THRB: variants seen among roughly 807,000 people sequenced by gnomAD.
THRB encodes the protein thyroid hormone receptor beta, also known as nuclear receptor subfamily 1 group A member 2.
A neutral mutation model predicts 47.8 loss-of-function variants in THRB; 12 were observed. That is an observed-to-expected ratio of 0.25 (90% confidence interval 0.16 to 0.41). The LOEUF (loss-of-function observed/expected upper bound fraction) is 0.41. THRB is among the 10% of genes least tolerant of loss of function. The probability of loss-of-function intolerance (pLI) is 1.00; values close to 1 mark genes in which losing one functional copy is unlikely to be tolerated. For synonymous variants in THRB, 218 were observed against 212.2 expected (o/e 1.03, Z -0.24); for missense variants, 348 against 589.2 (o/e 0.59, Z 4.24).
At chr3:24,182,811 G>A (rs921149140) in intron 5 of THRB, among the ~76,000 whole-genome samples, 12 of 152,188 alleles carry the variant, frequency 7.9e-5, no homozygotes, top group Non-Finnish European at 1.5e-5. Context: ...AAGTAGATAC[G>A]TGCTGACCTC....
At chr3:24,169,545 T>C (rs963848361) in intron 5 of THRB, among the ~76,000 whole-genome samples, 2 of 151,982 alleles carry the variant, frequency 1.3e-5, no homozygotes, top group Admixed American at 6.6e-5. Context: ...CACAGTTTTC[T>C]TATTTGTAAA....
intron 1 of THRB, among the ~76,000 whole-genome samples, chr3:24,460,834 T>G (rs976138837): frequency 2.6e-5 from 4 of 152,226 alleles, no homozygotes; most frequent in African/African-American, 9.6e-5. Flanking sequence ...AAGCACTTCA[T>G]GTGTTCTCTC....
chr3:24,462,063 AT>A (rs2073750249), intron 1 of THRB, among the ~76,000 whole-genome samples: 6 of 152,296 alleles, frequency 3.9e-5, no homozygotes, highest in African/African-American at 1.2e-4. Context: ...ATACACCAAC[AT>A]TTCAACGGTG....
At chr3:24,451,606 T>G (rs913480586) in intron 1 of THRB, among the ~76,000 whole-genome samples, 17 of 152,190 alleles carry the variant, frequency 1.1e-4, no homozygotes, top group African/African-American at 4.1e-4. Context: ...GGGACCTCTA[T>G]TCTCTTTCAC....
chr3:24,229,082 G>T, intron 3 of THRB, 81 bp from the exon 4 acceptor site: 1 of 854,736 alleles, frequency 1.2e-6, no homozygotes, highest in Admixed American at 1.9e-5. Context: ...AATATCATAT[G>T]CATTAATTAC....
chr3:24,236,810 G>T (rs1290914373), intron 3 of THRB, among the ~76,000 whole-genome samples: 1 of 152,186 alleles, frequency 6.6e-6, no homozygotes, highest in Non-Finnish European at 1.5e-5. Flanking sequence ...AGCATCCTGA[G>T]TGCAGCCCCA....
intron 5 of THRB, among the ~76,000 whole-genome samples, chr3:24,182,704 A>AT (rs1257848880): frequency 3.9e-5 from 6 of 152,190 alleles, no homozygotes; most frequent in East Asian, 3.8e-4. Context: ...GAGGGTCCAC[A>AT]TTTTACAGAC....
chr3:24,338,964 G>A (rs1275095877), intron 1 of THRB, among the ~76,000 whole-genome samples: 5 of 152,060 alleles, frequency 3.3e-5, no homozygotes, highest in African/African-American at 7.2e-5. Context: ...GATAATGTGC[G>A]GCTGAAGACC....
intron 4 of THRB, among the ~76,000 whole-genome samples, chr3:24,227,628 G>A (rs2047796119): frequency 6.6e-6 from 1 of 152,202 alleles, no homozygotes; most frequent in African/African-American, 2.4e-5. Flanking sequence ...GAGAGTTAAA[G>A]TTTATGGTCA....
chr3:24,136,118 A>C (rs1193098967), intron 8 of THRB, among the ~76,000 whole-genome samples: 1 of 151,960 alleles, frequency 6.6e-6, no homozygotes, highest in East Asian at 1.9e-4. Context: ...ACATGTGTAA[A>C]GATTTGAAAA....
At chr3:24,266,817 C>T (rs539516660) in intron 3 of THRB, among the ~76,000 whole-genome samples, 1 of 151,898 alleles carries the variant, frequency 6.6e-6, no homozygotes, top group East Asian at 1.9e-4. Context: ...TCTGGACAGA[C>T]CTTCCATATT....
intron 1 of THRB, among the ~76,000 whole-genome samples, chr3:24,441,181 T>G: frequency 6.6e-6 from 1 of 152,230 alleles, no homozygotes; most frequent in East Asian, 1.9e-4. Context: ...TTCCACTGTA[T>G]GGCAATTTGC....
chr3:24,469,658 A>G (rs1298205650), intron 1 of THRB, among the ~76,000 whole-genome samples: 9 of 152,246 alleles, frequency 5.9e-5, no homozygotes, highest in Non-Finnish European at 1.2e-4. Flanking sequence ...AAGCTACACT[A>G]CAATGAGGTG....
rs115224804 is a variant in THRB, at chr3:24,245,042, C to T, written c.-42-16041G>A. On this transcript the variant is annotated intron_variant, in intron 3 of 10. Coordinates refer to ENST00000646209, the MANE Select transcript of THRB (RefSeq NM_001354712.2). ...GTCAGGGGGCTATCCAGAGTCCTGG[C>T]TTCAACCTTCTCTTTTGGGAATCCC... Among the ~76,000 whole-genome samples the T allele has an allele frequency of 7.9e-3, 1,208 of 152,304 alleles. 21 individuals carry two copies. Among genetic ancestry groups the T allele is most frequent in the African/African-American group, 0.027 (1,132 of 41,564 alleles).
In THRB at chr3:24,120,943, A is replaced by G. The variant is rs1040589046; in HGVS notation, c.*1941T>C. The G allele has an allele frequency of 1.3e-5, 2 of 152,124 alleles. No homozygotes were observed. Among genetic ancestry groups the G allele is most frequent in the African/African-American group, 2.4e-5 (1 of 41,432 alleles). 9.4% of individuals were successfully genotyped at this position (152,124 alleles called of 1,614,324 possible). ...ATTCCCCGCTCCCAGATAATTTCCA[A>G]TCATACTTGGAATTTTCAGTGCTGT... is the stretch of plus-strand genomic sequence containing the variant. On this transcript the variant is annotated 3_prime_UTR_variant, in exon 11 of 11. Coordinates refer to ENST00000646209, the MANE Select transcript of THRB (RefSeq NM_001354712.2).
Position 24,321,873 on chromosome 3 carries a change from A to G in THRB, c.-189+15427T>C, listed in dbSNP as rs189193278. ...GACACCATGAAAAATAGAATGTAGA[A>G]TATCTCATTAATATTTTTCTGCTGG... On this transcript the variant is annotated intron_variant, in intron 2 of 10. Transcript: ENST00000646209. 3.2e-4 allele frequency among the ~76,000 whole-genome samples: 48 copies of G among 152,310 alleles called. No homozygotes were observed. In the South Asian group the frequency reaches 7.7e-3, roughly 24 times the overall value.
chr3:24,293,683 G>A (rs2056177156), intron 3 of THRB, among the ~76,000 whole-genome samples: 1 of 152,178 alleles, frequency 6.6e-6, no homozygotes, highest in Admixed American at 6.5e-5. Context: ...TTTGGGTATA[G>A]GGTATAATTT....
intron 2 of THRB, among the ~76,000 whole-genome samples, chr3:24,325,265 C>G (rs1257665053): frequency 2.0e-5 from 3 of 152,092 alleles, no homozygotes; most frequent in Non-Finnish European, 2.9e-5. Context: ...TGCCTCAGAC[C>G]CTGTTAACAT....
At chr3:24,150,976 A>G (rs2036833261) in intron 6 of THRB, among the ~76,000 whole-genome samples, 1 of 152,230 alleles carries the variant, frequency 6.6e-6, no homozygotes, top group Admixed American at 6.5e-5. Flanking sequence ...GACTGTCTGC[A>G]AGTCTCTAAT....
Sources: gnomAD v4.1 joint callset for allele counts (sites outside exome capture counted in the v4.1 genomes callset) on GRCh38, gnomAD v4.1.1 for gene constraint, MANE v1.5 for transcripts, NCBI Gene and HGNC (gene_info 2026-07-23, HGNC 2026-07-21) for gene names.